The following PEX14 variants were observed in gnomAD, a reference collection of about 807,000 sequenced individuals.
PEX14 encodes the protein peroxisomal biogenesis factor 14.
Under a neutral mutation model 49.5 loss-of-function variants are expected in PEX14, and 15 were observed. That is an observed-to-expected ratio of 0.30 (90% CI 0.20 to 0.47). The LOEUF is 0.47. Among genes scored for constraint, PEX14 ranks in the 20% least tolerant of loss-of-function variants. PEX14 has a pLI of 1.00. For synonymous variants in PEX14, 210 were observed against 212.7 expected (o/e 0.99, Z 0.11); for missense variants, 398 against 494.8 (o/e 0.80, Z 1.86).
chr1:10,596,936 G>T (rs1301523877), intron 3 of PEX14, among the ~76,000 whole-genome samples: 31 of 152,196 alleles, frequency 2.0e-4, no homozygotes, highest in Admixed American at 2.0e-3. Flanking sequence ...TTCAACTGTG[G>T]CCTCACTAGT....
At chr1:10,614,629 C>G (rs1641361956) in intron 4 of PEX14, among the ~76,000 whole-genome samples, 1 of 152,196 alleles carries the variant, frequency 6.6e-6, no homozygotes, top group African/African-American at 2.4e-5. Flanking sequence ...AGGTGCTGGT[C>G]AAGCTTTCAG....
chr1:10,605,663 G>A (rs745673618), intron 4 of PEX14, among the ~76,000 whole-genome samples: 8 of 152,208 alleles, frequency 5.3e-5, no homozygotes, highest in Non-Finnish European at 7.3e-5. Context: ...CGGGGTTCCC[G>A]TCAGAAAGCA....
At chr1:10,475,165 G>T (rs71643095) in intron 1 of PEX14, among the ~76,000 whole-genome samples, 163 bp downstream of exon 1, 1 of 28,374 alleles carries the variant, frequency 3.5e-5, no homozygotes, top group East Asian at 6.6e-4. Flanking sequence ...CTCCCCACCC[G>T]GCCCCTCCCC....
intron 3 of PEX14, among the ~76,000 whole-genome samples, chr1:10,571,015 G>GTTTT (rs34811019): frequency 4.4e-4 from 33 of 74,552 alleles, no homozygotes; most frequent in African/African-American, 1.2e-3. Flanking sequence ...CGCCTGGCTA[G>GTTTT]TTTTTTTTTT....
At chr1:10,500,393 A>AAAAAAAAAAG (rs1641654722) in intron 2 of PEX14, among the ~76,000 whole-genome samples, 1 of 150,644 alleles carries the variant, frequency 6.6e-6, no homozygotes, top group African/African-American at 2.4e-5. Context: ...AAAAAAAAAA[A>AAAAAAAAAAG]AAAAAAAAAG....
intron 4 of PEX14, among the ~76,000 whole-genome samples, chr1:10,609,515 G>T (rs892739705): frequency 6.6e-6 from 1 of 152,056 alleles, no homozygotes; most frequent in Non-Finnish European, 1.5e-5. Flanking sequence ...CCTTTATGTC[G>T]TCCTTTTCCC....
At chr1:10,598,661 G>GCAAACAAGAAAAAA (rs1640895755) in intron 3 of PEX14, among the ~76,000 whole-genome samples, 2 of 152,162 alleles carry the variant, frequency 1.3e-5, no homozygotes, top group African/African-American at 4.8e-5. Flanking sequence ...GCCTTGTTTT[G>GCAAACAAGAAAAAA]ATCTGTTTTC....
chr1:10,622,355 A>C (rs773224566), intron 5 of PEX14, among the ~76,000 whole-genome samples: 1 of 152,050 alleles, frequency 6.6e-6, no homozygotes, highest in South Asian at 2.1e-4. Flanking sequence ...TTTGACTCTT[A>C]CGTGAAGGAA....
intron 4 of PEX14, among the ~76,000 whole-genome samples, chr1:10,606,755 T>C (rs1641137929): frequency 6.6e-6 from 1 of 152,234 alleles, no homozygotes; most frequent in African/African-American, 2.4e-5. Flanking sequence ...AGCTGCAAGC[T>C]GTGCAGAGAG....
chr1:10,567,295 T>C (rs1639833802), intron 3 of PEX14, among the ~76,000 whole-genome samples: 2 of 152,244 alleles, frequency 1.3e-5, no homozygotes, highest in African/African-American at 4.8e-5. Flanking sequence ...TGAAGCTTTA[T>C]CCTATGTTAA....
In PEX14 at chr1:10,536,221, G is replaced by T; in HGVS notation, c.93G>T (p.Thr31=). 2 of 1,604,018 alleles carry T rather than the reference G, an allele frequency of 1.2e-6. No individual in the cohort carries two copies. Among genetic ancestry groups the T allele is most frequent in the African/African-American group, 1.3e-5 (1 of 74,804 alleles). ...NVLPREPLIA[T]AVKFLQNSRV... ...TTTCTCTCTCTCACCAGATTGCCAC[G>T]GCAGTGAAGTTTCTACAGAATTCCC... Residue 31 remains threonine, a synonymous_variant, in exon 3 of 9, where the codon ACG becomes ACT. Transcript: ENST00000356607.
chr1:10,507,007 A>G (rs986419014), intron 2 of PEX14, among the ~76,000 whole-genome samples: 3 of 152,244 alleles, frequency 2.0e-5, no homozygotes, highest in Non-Finnish European at 4.4e-5. Context: ...TAACCGAACA[A>G]TTACTAGCTC....
intron 3 of PEX14, among the ~76,000 whole-genome samples, chr1:10,587,539 G>A (rs865880556): frequency 6.6e-6 from 1 of 152,200 alleles, no homozygotes; most frequent in African/African-American, 2.4e-5. Context: ...CAAGGTTGAG[G>A]GAATGTGAGT....
chr1:10,488,924 T>G (rs1197592677), intron 1 of PEX14, among the ~76,000 whole-genome samples: 1 of 152,222 alleles, frequency 6.6e-6, no homozygotes, highest in East Asian at 1.9e-4. Flanking sequence ...CGTCTGGTTT[T>G]TCTTATTGTT....
intron 4 of PEX14, among the ~76,000 whole-genome samples, chr1:10,614,516 C>T (rs1325745489): frequency 6.6e-6 from 1 of 152,192 alleles, no homozygotes; most frequent in African/African-American, 2.4e-5. Flanking sequence ...TCAACCCACA[C>T]AGCCAGCGTC....
chr1:10,575,582 A>G (rs1640096792), intron 3 of PEX14, among the ~76,000 whole-genome samples: 1 of 152,204 alleles, frequency 6.6e-6, no homozygotes, highest in South Asian at 2.1e-4. Context: ...TACAATAAGA[A>G]GCCCTGAAAA....
At chr1:10,507,339 A>G (rs186462000) in intron 2 of PEX14, among the ~76,000 whole-genome samples, 1 of 152,364 alleles carries the variant, frequency 6.6e-6, no homozygotes, top group East Asian at 1.9e-4. Flanking sequence ...GCACAAACGT[A>G]TCTTCAGCCG....
chr1:10,596,109 T>G (rs1640826343), intron 3 of PEX14, among the ~76,000 whole-genome samples: 1 of 152,218 alleles, frequency 6.6e-6, no homozygotes, highest in Non-Finnish European at 1.5e-5. Flanking sequence ...AGCCAATGAC[T>G]GGGCAGATAA....
At chr1:10,535,913 C>CG in intron 2 of PEX14, 1 of 398,356 alleles carries the variant, frequency 2.5e-6, no homozygotes, top group Non-Finnish European at 4.8e-6. Context: ...CCACACCTGC[C>CG]GGGGAGTATG....
Sources: allele counts gnomAD v4.1 joint callset (sites outside exome capture counted in the v4.1 genomes callset), GRCh38; gene constraint gnomAD v4.1.1; transcripts MANE v1.5; gene names NCBI Gene and HGNC (gene_info 2026-07-23, HGNC 2026-07-21).